Variants in PRKD2 observed in about 807,000 individuals in gnomAD.
PRKD2 encodes serine/threonine-protein kinase D2.
PRKD2 carries 22 observed loss-of-function variants against 86.0 expected under a neutral mutation model. The ratio of observed to expected loss-of-function variants is 0.26; its 90% CI spans 0.18 to 0.37. The LOEUF is 0.37. PRKD2 is among the 10% of genes least tolerant of loss of function. PRKD2 has a pLI of 1.00. For missense variants in PRKD2, 818 were observed against 1,199.2 expected (o/e 0.68, Z 4.70); for synonymous variants, 509 against 510.9 (o/e 1.00, Z 0.05).
At position 46,697,745 on chromosome 19, in the gene PRKD2, G is replaced by A. The variant is rs570396950; in HGVS notation, c.1227C>T (p.Asn409=). 3.1e-6 allele frequency: 5 copies of A among 1,613,754 alleles called. No individual in the cohort carries two copies. The African/African-American group carries it at 5.3e-5, about 17-fold the overall frequency. ...LREGWVVHYS[N]KDTLRKRHYW... ...CCCGGCCACTCACCAGCGTGTCCTT[G>A]TTGCTGTAATGAACCACCCAACCCT... The change falls in exon 8 of 18, where the codon AAC becomes AAT. Residue 409 remains asparagine, a synonymous_variant. Coordinates refer to ENST00000291281, the MANE Select transcript of PRKD2 (RefSeq NM_016457.5).
intron 17 of PRKD2, 60 bp from the exon 18 acceptor site, chr19:46,674,795 CTCTGGTTTG>C: frequency 6.6e-7 from 1 of 1,524,088 alleles, no homozygotes; most frequent in Non-Finnish European, 8.8e-7. Context: ...CCTGGATATC[CTCTGGTTTG>C]CCACTGAGAG....
chr19:46,697,968 T>C, intron 7 of PRKD2, 118 bp from the exon 8 acceptor site: 1 of 826,090 alleles, frequency 1.2e-6, no homozygotes, highest in East Asian at 2.5e-5. Flanking sequence ...TTTGTTTGGT[T>C]TGTTTTGACA....
At chr19:46,680,015 T>C (rs1013228198) in intron 15 of PRKD2, among the ~76,000 whole-genome samples, 1 of 152,178 alleles carries the variant, frequency 6.6e-6, no homozygotes, top group Non-Finnish European at 1.5e-5. Context: ...CTCTGCTGCC[T>C]ACCTCTCAGC....
chr19:46,705,525 G>A (rs1304899498), intron 3 of PRKD2, among the ~76,000 whole-genome samples: 2 of 152,130 alleles, frequency 1.3e-5, no homozygotes, highest in East Asian at 1.9e-4. Context: ...GGTGGCTCAC[G>A]CCTGTAATCC....
intron 14 of PRKD2, among the ~76,000 whole-genome samples, chr19:46,683,323 G>A (rs1386791383): frequency 6.6e-6 from 1 of 151,606 alleles, no homozygotes; most frequent in Non-Finnish European, 1.5e-5. Flanking sequence ...TTGAACTCCT[G>A]ACCTCGTGAT....
At chr19:46,681,838 ACT>A in intron 14 of PRKD2, 90 bp from the exon 15 acceptor site, 1 of 618,326 alleles carries the variant, frequency 1.6e-6, no homozygotes, top group Non-Finnish European at 2.6e-6. Flanking sequence ...ACCCATCCAT[ACT>A]TTTTTTTTTT....
rs539357379 is a variant in PRKD2, at chr19:46,689,413, A to T, written c.1971+124T>A. 3.0e-4 allele frequency: 354 copies of T among 1,184,590 alleles called. 1 individual carries two copies. In the African/African-American group the frequency reaches 4.9e-3, roughly 16 times the overall value. The allele number at this position is 1,184,590 out of a possible 1,614,324, so 73.4% of individuals were successfully genotyped here. On this transcript the variant is annotated intron_variant, in intron 14 of 17. Coordinates refer to ENST00000291281, the MANE Select transcript of PRKD2 (RefSeq NM_016457.5). ...GTGAGCCACTGCGCCCAGCCTGATG[A>T]TGGTTTCTGTTATCTGCTATTGTGA... is the stretch of plus-strand genomic sequence containing the variant.
At chr19:46,679,309 G>A (rs976418370) in intron 15 of PRKD2, among the ~76,000 whole-genome samples, 3 of 152,144 alleles carry the variant, frequency 2.0e-5, no homozygotes, top group African/African-American at 7.2e-5. Flanking sequence ...CAGCCTGGGT[G>A]ACACAGCGAG....
chr19:46,690,623 G>A lies in PRKD2; in HGVS notation c.1786C>T (p.Arg596Trp), dbSNP rs1213734409. 11 of 1,614,060 alleles carry A rather than the reference G, an allele frequency of 6.8e-6. 1 individual carries two copies. The highest frequency in any genetic ancestry group is 6.6e-5 in the South Asian group (6 of 91,084). Residue 596 changes from arginine to tryptophan, a missense_variant, in exon 13 of 18, where the codon CGG (arginine) becomes TGG (tryptophan). Transcript: ENST00000291281. ...RFPTKQESQL[R>W]NEVAILQSLR... The stretch of plus-strand genomic sequence containing the variant: ...ACCTGCAGAATGGCCACTTCATTCC[G>A]GAGCTGGCTCTCCTGCTTGGTAGGG...
At chr19:46,706,270 C>T (rs527555443) in intron 3 of PRKD2, among the ~76,000 whole-genome samples, 8 of 152,216 alleles carry the variant, frequency 5.3e-5, no homozygotes, top group African/African-American at 9.6e-5. Flanking sequence ...TGATTCCAAA[C>T]GATTCCAGGA....
At chr19:46,710,818 C>G (rs1488879551) in intron 3 of PRKD2, 89 bp downstream of exon 3, 1 of 1,370,578 alleles carries the variant, frequency 7.3e-7, no homozygotes, top group Non-Finnish European at 9.8e-7. Context: ...GCTCCTCCTC[C>G]CCACGCTGTC....
rs764175682 is a variant in PRKD2 at position 46,678,157 on chromosome 19, C to T, written c.2338+239G>A. Among the ~76,000 whole-genome samples, 2 of 152,150 alleles carry T rather than the reference C, an allele frequency of 1.3e-5. No individual in the cohort carries two copies. The highest frequency in any genetic ancestry group is 2.9e-5 in the Non-Finnish European group (2 of 68,012). On this transcript the variant is annotated intron_variant, in intron 16 of 17. Coordinates refer to ENST00000291281, the MANE Select transcript of PRKD2 (RefSeq NM_016457.5). The surrounding 1 kb of genome is among the most constrained non-coding windows in gnomAD (Gnocchi z 5.7). ...CCCCTAAGGTTCCAAGTGTCCTCAGCGCTTCTGGGGCACTTGGTTTCCAGC... is the reference window on the plus strand; with the variant it reads ...CCCCTAAGGTTCCAAGTGTCCTCAGTGCTTCTGGGGCACTTGGTTTCCAGC...
At chr19:46,704,029 C>T in intron 5 of PRKD2, 140 bp downstream of exon 5, 1 of 1,275,372 alleles carries the variant, frequency 7.8e-7, no homozygotes, top group Non-Finnish European at 1.1e-6. Context: ...CCAAAGGTCC[C>T]AGAACACTAG....
chr19:46,697,727 A>C lies in PRKD2; in HGVS notation c.1239+6T>G, dbSNP rs772606911. 3.7e-6 allele frequency: 6 copies of C among 1,607,280 alleles called. No homozygotes were observed. The highest frequency in any genetic ancestry group is 4.3e-6 in the Non-Finnish European group (5 of 1,175,610). On this transcript the variant is annotated splice_donor_region_variant and intron_variant, in intron 8 of 17. Transcript: ENST00000291281. Reference sequence around the variant, plus strand: ...CGCCGTACCCGGCCCCGCCCCGGCCACTCACCAGCGTGTCCTTGTTGCTGT... The same window carrying C: ...CGCCGTACCCGGCCCCGCCCCGGCCCCTCACCAGCGTGTCCTTGTTGCTGT...
chr19:46,688,388 CTA>C (rs2053431018), intron 14 of PRKD2, among the ~76,000 whole-genome samples: 1 of 151,294 alleles, frequency 6.6e-6, no homozygotes, highest in African/African-American at 2.4e-5. Flanking sequence ...ATCATTACCG[CTA>C]GTCTATTTTT....
intron 15 of PRKD2, among the ~76,000 whole-genome samples, chr19:46,679,021 A>G (rs1266418874): frequency 6.6e-6 from 1 of 152,118 alleles, no homozygotes; most frequent in Non-Finnish European, 1.5e-5. Flanking sequence ...TCCTCTTTTG[A>G]ATAATGCAGA....
chr19:46,687,036 C>T (rs936261825), intron 14 of PRKD2, among the ~76,000 whole-genome samples: 11 of 151,918 alleles, frequency 7.2e-5, no homozygotes, highest in African/African-American at 2.4e-4. Flanking sequence ...TGGGATAAAA[C>T]CATTGAACAA....
At chr19:46,711,127 C>T in intron 2 of PRKD2, 89 bp from the exon 3 acceptor site, 2 of 1,468,844 alleles carry the variant, frequency 1.4e-6, no homozygotes, top group Admixed American at 4.3e-5. Context: ...CACAGTGCTC[C>T]CAGCCGCAAG....
rs1026941111 is a variant in PRKD2, at chr19:46,681,333, C to T, written c.2070+317G>A. Among the ~76,000 whole-genome samples the T allele has an allele frequency of 5.9e-5, 9 of 151,538 alleles. No homozygotes were observed. In the South Asian group the frequency reaches 6.2e-4, roughly 11 times the overall value. ...GCAGTGGCACAATCATAGCTCACTG[C>T]AGCCACCAACTCCTGGGCTCAAGCA... is the stretch of plus-strand genomic sequence containing the variant. On this transcript the variant is annotated intron_variant, in intron 15 of 17. Transcript: ENST00000291281.
Sources: gnomAD v4.1 joint callset for allele counts (sites outside exome capture counted in the v4.1 genomes callset) on GRCh38, gnomAD v4.1.1 for gene constraint, Gnocchi (gnomAD v3.1) non-coding constraint, MANE v1.5 for transcripts, NCBI Gene and HGNC (gene_info 2026-07-23, HGNC 2026-07-21) for gene names.